Variants in ELFN1 observed in about 807,000 individuals in gnomAD.
The protein encoded by ELFN1 is extracellular leucine rich repeat and fibronectin type III domain containing 1, also known as protein ELFN1.
Under a neutral mutation model 7.6 loss-of-function variants are expected in ELFN1, and 6 were observed. The ratio of observed to expected loss-of-function variants is 0.79; its 90% CI spans 0.43 to 1.56. The LOEUF is 1.56. Among genes scored for constraint, ELFN1 ranks in the 40% most tolerant of loss-of-function variants. The pLI, the probability that ELFN1 is intolerant of heterozygous loss-of-function variation, is 0.01. For missense variants in ELFN1, 1,169 were observed against 1,232.2 expected (o/e 0.95, Z 0.77); for synonymous variants, 657 against 588.1 (o/e 1.12, Z -1.70).
intron 1 of ELFN1, among the ~76,000 whole-genome samples, chr7:1,671,192 C>T (rs1320202485): frequency 6.7e-6 from 1 of 149,404 alleles, no homozygotes; most frequent in Non-Finnish European, 1.5e-5. Flanking sequence ...ATAAAAACGA[C>T]ACCCTCTGAG....
intron 2 of ELFN1, among the ~76,000 whole-genome samples, chr7:1,708,033 C>A (rs1400481915): frequency 6.6e-6 from 1 of 152,024 alleles, no homozygotes; most frequent in African/African-American, 2.4e-5. Flanking sequence ...GCACCAACCT[C>A]GCGAACCCCT....
At chr7:1,741,949 C>A (rs118043742) in intron 3 of ELFN1, among the ~76,000 whole-genome samples, 2 of 152,244 alleles carry the variant, frequency 1.3e-5, no homozygotes, top group South Asian at 4.1e-4. Context: ...TGTGTACACA[C>A]CTGTGCACAC....
intron 1 of ELFN1, among the ~76,000 whole-genome samples, chr7:1,678,724 G>T (rs1431207383): frequency 6.6e-6 from 1 of 152,234 alleles, no homozygotes; most frequent in Admixed American, 6.5e-5. Context: ...TGTGGACCCT[G>T]AGCCTCGGCT....
At chr7:1,669,142 T>C (rs1362166032), upstream of ELFN1, among the ~76,000 whole-genome samples, 2 of 152,254 alleles carry the variant, frequency 1.3e-5, no homozygotes. Context: ...GGCCGGTCCA[T>C]ACAGGACTGA....
rs777702721 is a variant in ELFN1, at chr7:1,747,034, A to G, written c.2438A>G (p.His813Arg). The G allele has an allele frequency of 3.2e-6, 5 of 1,551,762 alleles. No individual in the cohort carries two copies. Among genetic ancestry groups the G allele is most frequent in the Non-Finnish European group, 4.4e-6 (5 of 1,147,076 alleles). The change falls in exon 4 of 4, where the codon CAC (histidine) becomes CGC (arginine). Residue 813 changes from histidine (H) to arginine (R), a missense_variant. By Grantham distance (29) the His-to-Arg change is conservative. Coordinates refer to ENST00000424383, the MANE Select transcript of ELFN1 (RefSeq NM_001128636.4). ...CAGTTCGCCAAAGACGAGGATCTGC[A>G]CGACATCCTGGACTACTGGAAGGGC... Reference protein sequence around the residue: ...KVQFAKDEDLHDILDYWKGVS... With the variant: ...KVQFAKDEDLRDILDYWKGVS...
At chr7:1,723,363 A>G (rs1780081980) in intron 3 of ELFN1, among the ~76,000 whole-genome samples, 1 of 152,208 alleles carries the variant, frequency 6.6e-6, no homozygotes, top group Non-Finnish European at 1.5e-5. Flanking sequence ...ACAAACGCCT[A>G]TGTAATACGC....
At chr7:1,708,914 G>T (rs1389156930) in intron 2 of ELFN1, among the ~76,000 whole-genome samples, 177 bp from the exon 3 acceptor site, 2 of 152,272 alleles carry the variant, frequency 1.3e-5, no homozygotes, top group East Asian at 3.9e-4. Context: ...AGCCTGCTCT[G>T]TGTGTCAGGA....
chr7:1,708,733 G>A (rs1408860642), intron 2 of ELFN1, among the ~76,000 whole-genome samples: 2 of 148,356 alleles, frequency 1.3e-5, no homozygotes, highest in African/African-American at 5.3e-5. Flanking sequence ...CCCCAGAAGT[G>A]AGCCCCACCT....
chr7:1,672,494 T>C lies in ELFN1; in HGVS notation c.-549+2140T>C, dbSNP rs116410723. On this transcript the variant is annotated intron_variant, in intron 1 of 3. Coordinates refer to ENST00000424383, the MANE Select transcript of ELFN1 (RefSeq NM_001128636.4). ...AATATTTTCACCCTAAATGTATACTTGTAGGCTTCACCTGCTCTCCAGGAG... is the reference window on the plus strand; with the variant it reads ...AATATTTTCACCCTAAATGTATACTCGTAGGCTTCACCTGCTCTCCAGGAG... Among the ~76,000 whole-genome samples the C allele has an allele frequency of 6.6e-3, 1,011 of 152,258 alleles. 15 individuals are homozygous for C. Among genetic ancestry groups the C allele is most frequent in the African/African-American group, 0.023 (955 of 41,542 alleles).
intron 3 of ELFN1, among the ~76,000 whole-genome samples, chr7:1,729,835 G>A (rs1780289803): frequency 6.6e-6 from 1 of 152,230 alleles, no homozygotes; most frequent in South Asian, 2.1e-4. Flanking sequence ...GGCTGAGATT[G>A]CAGTTTATTC....
At chr7:1,693,197 A>G (rs1321006255) in intron 2 of ELFN1, 1 of 382,788 alleles carries the variant, frequency 2.6e-6, no homozygotes, top group Admixed American at 3.1e-5. Context: ...GGTAGTGGGC[A>G]GTGCAGGCCC....
At chr7:1,674,671 T>C (rs553893412) in intron 1 of ELFN1, among the ~76,000 whole-genome samples, 5 of 152,214 alleles carry the variant, frequency 3.3e-5, no homozygotes, top group African/African-American at 1.2e-4. Flanking sequence ...TGTCTTCCTC[T>C]GCCAGTTCCA....
chr7:1,737,324 C>T (rs1780477157), intron 3 of ELFN1, among the ~76,000 whole-genome samples: 1 of 152,120 alleles, frequency 6.6e-6, no homozygotes. Flanking sequence ...CCCTGGCAAC[C>T]CACCTTCAGT....
chr7:1,690,310 G>T (rs1779134073), intron 2 of ELFN1, among the ~76,000 whole-genome samples: 1 of 149,444 alleles, frequency 6.7e-6, no homozygotes, highest in South Asian at 2.1e-4. Context: ...TGGGTGGATT[G>T]GTGGGTGGGT....
chr7:1,691,715 G>A (rs542097176), intron 2 of ELFN1, among the ~76,000 whole-genome samples: 2 of 152,258 alleles, frequency 1.3e-5, no homozygotes, highest in South Asian at 2.1e-4. Flanking sequence ...CGAGGGCGTC[G>A]TGGAGATCCA....
At chr7:1,679,151 A>G (rs1426331405) in intron 1 of ELFN1, among the ~76,000 whole-genome samples, 1 of 151,322 alleles carries the variant, frequency 6.6e-6, no homozygotes, top group Admixed American at 6.6e-5. Flanking sequence ...GTGCGCGCAC[A>G]CACACACGCG....
At chr7:1,671,170 GC>G (rs113308645) in intron 1 of ELFN1, among the ~76,000 whole-genome samples, 44,883 of 138,106 alleles carry the variant, frequency 0.32, 7,204 homozygotes, top group Admixed American at 0.34. Flanking sequence ...ACCGCACACC[GC>G]CCCCCCCCCC....
chr7:1,707,443 T>A (rs1378674319), intron 2 of ELFN1, among the ~76,000 whole-genome samples: 1 of 152,168 alleles, frequency 6.6e-6, no homozygotes, highest in Non-Finnish European at 1.5e-5. Context: ...GCAAACGCCC[T>A]GCATCGCAGC....
intron 1 of ELFN1, among the ~76,000 whole-genome samples, chr7:1,681,172 G>A (rs549622303): frequency 6.6e-6 from 1 of 152,340 alleles, no homozygotes; most frequent in Admixed American, 6.5e-5. Context: ...GACTGTGTCA[G>A]TAGTTGTTGG....
Sources: gnomAD v4.1 joint callset for allele counts (sites outside exome capture counted in the v4.1 genomes callset) on GRCh38, gnomAD v4.1.1 for gene constraint, MANE v1.5 for transcripts, NCBI Gene and HGNC (gene_info 2026-07-23, HGNC 2026-07-21) for gene names.